IRAG1: variants seen among roughly 807,000 people sequenced by gnomAD.
IRAG1 encodes the protein inositol 1,4,5-triphosphate receptor associated 1.
Under a neutral mutation model 106.2 loss-of-function variants are expected in IRAG1, and 62 were observed. That is an observed-to-expected ratio of 0.58 (90% CI 0.48 to 0.72). The LOEUF (loss-of-function observed/expected upper bound fraction) is 0.72, where lower values mean the gene tolerates loss of function less well. Among genes scored for constraint, IRAG1 ranks in the 30% least tolerant of loss-of-function variants. The pLI is 0.00. For missense variants in IRAG1, 1,064 were observed against 1,140.7 expected (o/e 0.93, Z 0.97); for synonymous variants, 462 against 443.9 (o/e 1.04, Z -0.51).
Position 10,577,932 on chromosome 11 carries a change from TAGA to T in IRAG1, c.2496-1360_2496-1358del, listed in dbSNP as rs145986535. ...CTGTTGGGAAGGCAGGGTTTAGAAG[TAGA>T]AGGTTATTTTCTCTCAGCCCTTTGT... is the stretch of plus-strand genomic sequence containing the variant. On this transcript the variant is annotated intron_variant, in intron 20 of 20. Transcript: ENST00000423302. Among the ~76,000 whole-genome samples the T allele has an allele frequency of 6.7e-3, 1,018 of 152,330 alleles. 10 individuals are homozygous for T. Among genetic ancestry groups the T allele is most frequent in the African/African-American group, 0.023 (956 of 41,574 alleles).
At chr11:10,660,311 T>C (rs78187112) in intron 1 of IRAG1, among the ~76,000 whole-genome samples, 2,282 of 152,296 alleles carry the variant, frequency 0.015, 60 homozygotes, top group African/African-American at 0.052. Context: ...TTTTAATTAT[T>C]TTACTACATT....
At chr11:10,654,609 T>C (rs1408654792) in intron 1 of IRAG1, among the ~76,000 whole-genome samples, 1 of 152,184 alleles carries the variant, frequency 6.6e-6, no homozygotes, top group Non-Finnish European at 1.5e-5. Flanking sequence ...TCAAGGAACA[T>C]AGAGCCCAGT....
At chr11:10,581,772 A>T in intron 19 of IRAG1, 95 bp downstream of exon 19, 1 of 1,461,026 alleles carries the variant, frequency 6.8e-7, no homozygotes, top group Non-Finnish European at 9.2e-7. Flanking sequence ...GCCACTGGTT[A>T]CTTCCCTAAA....
At position 10,688,736 on chromosome 11, in the gene IRAG1, A is replaced by T. The variant is rs76712183; in HGVS notation, c.67+4800T>A. ...CCGATTTCCACCAAGCCGTGGTGGAATGACCTGACTCATTTATACACTATG... is the reference window on the plus strand; with the variant it reads ...CCGATTTCCACCAAGCCGTGGTGGATTGACCTGACTCATTTATACACTATG... On this transcript the variant is annotated intron_variant, in intron 1 of 20. Coordinates refer to ENST00000423302, the MANE Select transcript of IRAG1 (RefSeq NM_130385.4). 4.5e-3 allele frequency among the ~76,000 whole-genome samples: 686 copies of T among 152,310 alleles called. 1 individual carries two copies. The highest frequency in any genetic ancestry group is 0.016 in the African/African-American group (665 of 41,562).
At chr11:10,675,924 T>C (rs1860618022) in intron 1 of IRAG1, among the ~76,000 whole-genome samples, 1 of 152,206 alleles carries the variant, frequency 6.6e-6, no homozygotes, top group South Asian at 2.1e-4. Context: ...TCAGCTGCCT[T>C]ATTCATGGAC....
At chr11:10,609,379 C>CA (rs1473776281) in intron 11 of IRAG1, among the ~76,000 whole-genome samples, 3 of 152,054 alleles carry the variant, frequency 2.0e-5, no homozygotes, top group African/African-American at 4.8e-5. Flanking sequence ...CCTATCTCTA[C>CA]AAAAAAATAT....
chr11:10,610,977 A>G (rs1319371126), intron 10 of IRAG1, among the ~76,000 whole-genome samples: 1 of 152,252 alleles, frequency 6.6e-6, no homozygotes, highest in Non-Finnish European at 1.5e-5. Context: ...GCTAGGCTAG[A>G]GACCAGGACT....
intron 11 of IRAG1, among the ~76,000 whole-genome samples, chr11:10,607,210 A>C (rs1275972538): frequency 6.6e-6 from 1 of 152,118 alleles, no homozygotes; most frequent in Admixed American, 6.5e-5. Flanking sequence ...GGACTTTATA[A>C]CTCATACACA....
intron 9 of IRAG1, among the ~76,000 whole-genome samples, chr11:10,625,096 T>G (rs889149793): frequency 6.6e-6 from 1 of 152,164 alleles, no homozygotes; most frequent in African/African-American, 2.4e-5. Flanking sequence ...CTGAATAGGA[T>G]AGTGGCCAGC....
At chr11:10,637,887 G>T (rs1277448405) in intron 2 of IRAG1, among the ~76,000 whole-genome samples, 1 of 152,238 alleles carries the variant, frequency 6.6e-6, no homozygotes, top group African/African-American at 2.4e-5. Flanking sequence ...GGCAGGGCCA[G>T]GGGCAGGTGC....
intron 1 of IRAG1, among the ~76,000 whole-genome samples, chr11:10,688,764 C>T (rs1589986536): frequency 6.6e-6 from 1 of 152,184 alleles, no homozygotes; most frequent in East Asian, 1.9e-4. Flanking sequence ...ACACTATGCT[C>T]ACAATTTTTC....
intron 1 of IRAG1, among the ~76,000 whole-genome samples, chr11:10,673,040 T>C (rs981003673): frequency 6.6e-6 from 1 of 152,110 alleles, no homozygotes; most frequent in African/African-American, 2.4e-5. Context: ...CCCAGCACTT[T>C]GGGAGGCTGA....
At chr11:10,632,314 T>C (rs1481468879) in intron 3 of IRAG1, among the ~76,000 whole-genome samples, 1 of 151,880 alleles carries the variant, frequency 6.6e-6, no homozygotes, top group East Asian at 1.9e-4. Flanking sequence ...GCCTCCCAAG[T>C]ATCTGAGACT....
intron 2 of IRAG1, among the ~76,000 whole-genome samples, chr11:10,644,128 T>C (rs954835301): frequency 6.6e-6 from 1 of 152,222 alleles, no homozygotes; most frequent in African/African-American, 2.4e-5. Context: ...GGGCCTCTGG[T>C]GTCCTAGCTA....
intron 2 of IRAG1, among the ~76,000 whole-genome samples, chr11:10,649,228 C>T (rs1858247622): frequency 6.6e-6 from 1 of 152,214 alleles, no homozygotes; most frequent in African/African-American, 2.4e-5. Context: ...AAGCACTTTA[C>T]TCACCATGCC....
chr11:10,674,233 C>T (rs1385389520), intron 1 of IRAG1, among the ~76,000 whole-genome samples: 2 of 152,186 alleles, frequency 1.3e-5, no homozygotes, highest in Non-Finnish European at 2.9e-5. Flanking sequence ...CAAGATGCTC[C>T]AGAAGTGCAC....
chr11:10,583,547 T>G (rs1425047017), intron 18 of IRAG1, among the ~76,000 whole-genome samples: 1 of 151,600 alleles, frequency 6.6e-6, no homozygotes, highest in African/African-American at 2.4e-5. Context: ...AGGTTTAAAG[T>G]AAAGAAGGGG....
At chr11:10,640,368 C>T (rs1486517237) in intron 2 of IRAG1, among the ~76,000 whole-genome samples, 7 of 152,276 alleles carry the variant, frequency 4.6e-5, no homozygotes, top group Non-Finnish European at 1.0e-4. Flanking sequence ...AGGAAATCCT[C>T]TAATCCCTTG....
intron 18 of IRAG1, among the ~76,000 whole-genome samples, chr11:10,588,685 C>G (rs1852305821): frequency 6.6e-6 from 1 of 152,140 alleles, no homozygotes. Context: ...CTTCCCCCCA[C>G]TTCCCCAGTT....
Sources: allele counts gnomAD v4.1 joint callset (sites outside exome capture counted in the v4.1 genomes callset), GRCh38; gene constraint gnomAD v4.1.1; transcripts MANE v1.5; gene names NCBI Gene and HGNC (gene_info 2026-07-23, HGNC 2026-07-21).